Variants in WNT9B observed in about 807,000 individuals in gnomAD.
WNT9B encodes the protein Wnt family member 9B, also known as protein Wnt-9b.
In WNT9B, 12 loss-of-function variants were observed where a neutral mutation model predicts 30.2. The observed-to-expected ratio is 0.40, with a 90% CI of 0.26 to 0.64. The LOEUF is 0.64. Ranked by LOEUF, WNT9B falls within the 30% of genes least tolerant of loss-of-function variation. The probability of loss-of-function intolerance (pLI) is 0.42; values close to 1 mark genes in which losing one functional copy is unlikely to be tolerated. For missense variants in WNT9B, 442 were observed against 485.2 expected (o/e 0.91, Z 0.84); for synonymous variants, 218 against 216.9 (o/e 1.01, Z -0.05).
chr17:46,835,337 G>C (rs935973761), intron 1 of WNT9B, among the ~76,000 whole-genome samples: 3 of 152,000 alleles, frequency 2.0e-5, no homozygotes, highest in East Asian at 1.9e-4. Flanking sequence ...TCAGCCTCCC[G>C]AGTAGCTGGG....
At position 46,851,785 on chromosome 17, in the gene WNT9B, C is replaced by A; in HGVS notation, c.77+70C>A. The stretch of plus-strand genomic sequence containing the variant: ...CTCTCCCTCCTGCGCTACAGCTGGG[C>A]CAATTTTTCCCTCCCGCTGTCCTTG... On this transcript the variant is annotated intron_variant, in intron 1 of 3. Transcript: ENST00000290015. This position sits in a 1 kb window ranked among gnomAD's most constrained non-coding sequence, Gnocchi z 4.3. The A allele has an allele frequency of 1.3e-6, 1 of 790,288 alleles. No homozygotes were observed. The highest frequency in any genetic ancestry group is 1.7e-6 in the Non-Finnish European group (1 of 578,640). The allele number at this position is 790,288 out of a possible 1,614,324, so 49.0% of individuals were successfully genotyped here.
In WNT9B at chr17:46,876,688, G is replaced by T. The variant is rs762563952; in HGVS notation, c.1044G>T (p.Gln348His). The T allele has an allele frequency of 1.7e-5, 26 of 1,572,306 alleles. No homozygotes were observed. The highest frequency in any genetic ancestry group is 2.2e-5 in the Non-Finnish European group (25 of 1,155,040). Residue 348 changes from glutamine (Q) to histidine (H), a missense_variant, in exon 4 of 4, where the codon CAG (glutamine) becomes CAT (histidine). Coordinates refer to ENST00000290015, the MANE Select transcript of WNT9B (RefSeq NM_003396.3). Reference protein sequence around the residue: ...CCYVECQQCVQEELVYTCKH With the variant: ...CCYVECQQCVHEELVYTCKH Reference sequence around the variant, plus strand: ...ACGTGGAGTGCCAGCAATGTGTGCAGGAGGAGCTTGTGTACACCTGCAAGC... The same window carrying T: ...ACGTGGAGTGCCAGCAATGTGTGCATGAGGAGCTTGTGTACACCTGCAAGC...
intron 1 of WNT9B, among the ~76,000 whole-genome samples, chr17:46,861,928 C>T (rs186725238): frequency 6.6e-6 from 1 of 152,158 alleles, no homozygotes; most frequent in Admixed American, 6.5e-5. Context: ...CTTTGGGAGG[C>T]TGAGGCAGGT....
chr17:46,874,375 C>T (rs552758327), intron 2 of WNT9B, among the ~76,000 whole-genome samples: 1 of 152,262 alleles, frequency 6.6e-6, no homozygotes, highest in East Asian at 1.9e-4. Flanking sequence ...TGGGCCCATC[C>T]AAATGGTCAT....
intron 2 of WNT9B, among the ~76,000 whole-genome samples, chr17:46,873,720 G>T (rs996040310): frequency 6.6e-6 from 1 of 150,442 alleles, no homozygotes; most frequent in Non-Finnish European, 1.5e-5. Context: ...TTTAAACACT[G>T]CAGTTGGCCG....
At chr17:46,839,913 TTTCTTTC>T (rs1160638260) in intron 1 of WNT9B, among the ~76,000 whole-genome samples, 1 of 13,862 alleles carries the variant, frequency 7.2e-5, no homozygotes, top group Non-Finnish European at 1.5e-4. Context: ...CATTTTCTCT[TTTCTTTC>T]TTTCTTTCTT....
At chr17:46,884,387 C>A (rs376742014), downstream of WNT9B, among the ~76,000 whole-genome samples, 1 of 152,216 alleles carries the variant, frequency 6.6e-6, no homozygotes, top group Admixed American at 6.5e-5. Context: ...ACACCCAGCC[C>A]CCTCTCCAAG....
At chr17:46,872,883 CACT>C in intron 2 of WNT9B, 110 bp downstream of exon 2, 1 of 1,318,468 alleles carries the variant, frequency 7.6e-7, no homozygotes, top group Non-Finnish European at 1.0e-6. Flanking sequence ...GCCCAGGCCA[CACT>C]GCCCTTCCTG....
chr17:46,872,411 G>C (rs2085262913), intron 1 of WNT9B, 106 bp from the exon 2 acceptor site: 3 of 1,385,264 alleles, frequency 2.2e-6, no homozygotes, highest in Non-Finnish European at 2.8e-6. Context: ...TCAGCCTGCT[G>C]CCCAGAAGGG....
chr17:46,841,039 A>G (rs2084707018), intron 1 of WNT9B, among the ~76,000 whole-genome samples: 3 of 152,078 alleles, frequency 2.0e-5, no homozygotes, highest in African/African-American at 7.2e-5. Context: ...TCCCGATGCT[A>G]CTTCCAACAG....
intron 1 of WNT9B, among the ~76,000 whole-genome samples, chr17:46,853,041 C>T (rs917806957): frequency 2.0e-5 from 3 of 152,166 alleles, no homozygotes; most frequent in Admixed American, 2.0e-4. Context: ...AGGGGTTGAA[C>T]TTGATATGAC....
At position 46,876,240 on chromosome 17, in the gene WNT9B, C is replaced by T. The variant is rs199859380; in HGVS notation, c.601-5C>T. 1 of 1,599,136 alleles carries T rather than the reference C, an allele frequency of 6.3e-7. No individual in the cohort carries two copies. The highest frequency in any genetic ancestry group is 1.1e-5 in the South Asian group (1 of 88,570). On this transcript the variant is annotated splice_region_variant and splice_polypyrimidine_tract_variant and intron_variant, in intron 3 of 3. Coordinates refer to ENST00000290015, the MANE Select transcript of WNT9B (RefSeq NM_003396.3). The stretch of plus-strand genomic sequence containing the variant: ...GACCACGCCTCTGTTCTGCCTCCCC[C>T]ACAGGCTGTGAAGAGTGGCCTCAGG...
At chr17:46,867,808 C>T (rs2085165031) in intron 1 of WNT9B, among the ~76,000 whole-genome samples, 2 of 152,114 alleles carry the variant, frequency 1.3e-5, no homozygotes, top group Admixed American at 1.3e-4. Context: ...GCACCCTTGA[C>T]TTCTCCCACT....
Position 46,851,833 on chromosome 17 carries a change from A to C in WNT9B, c.77+118A>C, listed in dbSNP as rs943933686. Reference sequence around the variant, plus strand: ...TTGGCCCCGCCGAGGTCTCGAACTCAGACCCTAGCCCGGCGCGACCCAACC... The same window carrying C: ...TTGGCCCCGCCGAGGTCTCGAACTCCGACCCTAGCCCGGCGCGACCCAACC... On this transcript the variant is annotated intron_variant, in intron 1 of 3. Coordinates refer to ENST00000290015, the MANE Select transcript of WNT9B (RefSeq NM_003396.3). The surrounding 1 kb of genome is among the most constrained non-coding windows in gnomAD (Gnocchi z 4.3). 3 of 479,210 alleles carry C rather than the reference A, an allele frequency of 6.3e-6. No homozygotes were observed. The highest frequency in any genetic ancestry group is 3.3e-6 in the Non-Finnish European group (1 of 305,948). The allele number at this position is 479,210 out of a possible 1,614,324, so 29.7% of individuals were successfully genotyped here. A position where few individuals can be genotyped will look rare whatever the true frequency, so the allele number is the denominator to read the frequency against.
intron 1 of WNT9B, among the ~76,000 whole-genome samples, chr17:46,838,662 A>T (rs2084662577): frequency 6.6e-6 from 1 of 152,106 alleles, no homozygotes. Context: ...TTAAAAATAA[A>T]ATTTAAAAAG....
Position 46,876,694 on chromosome 17 carries a change from G to A in WNT9B, c.1050G>A (p.Glu350=). 3 of 1,566,052 alleles carry A rather than the reference G, an allele frequency of 1.9e-6. No individual in the cohort carries two copies. The highest frequency in any genetic ancestry group is 2.6e-6 in the Non-Finnish European group (3 of 1,151,432). ...YVECQQCVQE[E]LVYTCKH ...AGTGCCAGCAATGTGTGCAGGAGGA[G>A]CTTGTGTACACCTGCAAGCACTAGG... Residue 350 remains glutamate, a synonymous_variant, in exon 4 of 4, where the codon GAG becomes GAA. Transcript: ENST00000290015.
chr17:46,850,070 G>C (rs553420487), upstream of WNT9B, among the ~76,000 whole-genome samples: 2 of 152,230 alleles, frequency 1.3e-5, no homozygotes, highest in Non-Finnish European at 1.5e-5. Flanking sequence ...GGCTGGTCTC[G>C]AATTCCTGAC....
chr17:46,874,334 C>T (rs2085306561), intron 2 of WNT9B, among the ~76,000 whole-genome samples: 1 of 152,172 alleles, frequency 6.6e-6, no homozygotes, highest in Non-Finnish European at 1.5e-5. Context: ...TCATAGGAAG[C>T]CCATGGGGCT....
intron 1 of WNT9B, among the ~76,000 whole-genome samples, chr17:46,843,617 C>T (rs1389497210): frequency 6.6e-6 from 1 of 152,218 alleles, no homozygotes; most frequent in Non-Finnish European, 1.5e-5. Flanking sequence ...TTGGTGCCAG[C>T]TCCCTGGGTT....
Sources: gnomAD v4.1 joint callset for allele counts (sites outside exome capture counted in the v4.1 genomes callset) on GRCh38, gnomAD v4.1.1 for gene constraint, Gnocchi (gnomAD v3.1) non-coding constraint, MANE v1.5 for transcripts, NCBI Gene and HGNC (gene_info 2026-07-23, HGNC 2026-07-21) for gene names.